HS6ST3: variants seen among roughly 807,000 people sequenced by gnomAD.
HS6ST3 encodes heparan sulfate 6-O-sulfotransferase 3, also known as heparan-sulfate 6-O-sulfotransferase 3.
In HS6ST3, 12 loss-of-function variants were observed where a neutral mutation model predicts 36.7. The observed-to-expected ratio is 0.33, with a 90% CI of 0.21 to 0.53. HS6ST3 has a LOEUF of 0.53. HS6ST3 is among the 20% of genes least tolerant of loss of function. The pLI is 0.95. For missense variants in HS6ST3, 584 were observed against 640.9 expected, an observed-to-expected ratio of 0.91 and a Z score of 0.96; for synonymous variants, 240 against 257.5, an observed-to-expected ratio of 0.93 and a Z score of 0.65.
At chr13:96,311,099 C>T (rs1252697749) in intron 1 of HS6ST3, among the ~76,000 whole-genome samples, 1 of 152,146 alleles carries the variant, frequency 6.6e-6, no homozygotes, top group African/African-American at 2.4e-5. Context: ...AATTTGATAA[C>T]TGGGTTTCTT....
intron 1 of HS6ST3, among the ~76,000 whole-genome samples, chr13:96,722,500 T>C (rs1875875113): frequency 6.6e-6 from 1 of 152,328 alleles, no homozygotes; most frequent in Non-Finnish European, 1.5e-5. Context: ...GGGTCGTGAC[T>C]CTTATATTTT....
In HS6ST3 at chr13:96,216,710, AG is replaced by A. The variant is rs560865425; in HGVS notation, c.707+125143del. 7.9e-5 allele frequency among the ~76,000 whole-genome samples: 12 copies of A among 152,226 alleles called. 1 individual carries two copies. In the South Asian group the frequency reaches 2.5e-3, roughly 32 times the overall value. On this transcript the variant is annotated intron_variant, in intron 1 of 1. Coordinates refer to ENST00000376705, the MANE Select transcript of HS6ST3 (RefSeq NM_153456.4). ...AAACAGGTGCCCAGAGGAAGCTTGG[AG>A]GCTGCTACCTCTCAGGTCCCTCTCT...
chr13:96,711,615 C>T (rs1196543574), intron 1 of HS6ST3, among the ~76,000 whole-genome samples: 2 of 152,148 alleles, frequency 1.3e-5, no homozygotes, highest in African/African-American at 4.8e-5. Context: ...TCTTTGCATT[C>T]ATGTATTTTT....
intron 1 of HS6ST3, among the ~76,000 whole-genome samples, chr13:96,745,405 A>G (rs1432517898): frequency 2.0e-5 from 3 of 152,206 alleles, no homozygotes; most frequent in East Asian, 3.9e-4. Flanking sequence ...GTGCCCAGCC[A>G]TATGGTTGTA....
At chr13:96,222,904 A>G (rs778466547) in intron 1 of HS6ST3, among the ~76,000 whole-genome samples, 2 of 152,128 alleles carry the variant, frequency 1.3e-5, no homozygotes, top group African/African-American at 2.4e-5. Context: ...GCCTGTGTAT[A>G]TATATGTTTC....
intron 1 of HS6ST3, among the ~76,000 whole-genome samples, chr13:96,539,588 C>T (rs1026132973): frequency 6.6e-6 from 1 of 152,164 alleles, no homozygotes; most frequent in Non-Finnish European, 1.5e-5. Flanking sequence ...AACTCCTGAC[C>T]TCATGATCCA....
intron 1 of HS6ST3, among the ~76,000 whole-genome samples, chr13:96,734,483 G>A (rs1409333470): frequency 1.3e-5 from 2 of 152,184 alleles, no homozygotes; most frequent in Non-Finnish European, 2.9e-5. Context: ...GTAACTATTT[G>A]TTAGAGAGGA....
intron 1 of HS6ST3, among the ~76,000 whole-genome samples, chr13:96,189,957 C>A (rs1376283897): frequency 1.3e-5 from 2 of 152,098 alleles, no homozygotes; most frequent in Non-Finnish European, 2.9e-5. Context: ...CAGCCCACCC[C>A]ACATTGACTC....
chr13:96,135,966 C>A (rs978361274), intron 1 of HS6ST3, among the ~76,000 whole-genome samples: 3 of 152,188 alleles, frequency 2.0e-5, no homozygotes, highest in African/African-American at 7.2e-5. Flanking sequence ...GTGCAGCCTG[C>A]ATTCCACCGG....
intron 1 of HS6ST3, among the ~76,000 whole-genome samples, chr13:96,451,795 G>A (rs1426444929): frequency 1.3e-5 from 2 of 152,100 alleles, no homozygotes; most frequent in East Asian, 3.9e-4. Context: ...ATGAGAGGTT[G>A]GGATTAAATG....
At chr13:96,498,490 TCTC>T (rs2055988297) in intron 1 of HS6ST3, among the ~76,000 whole-genome samples, 1 of 152,170 alleles carries the variant, frequency 6.6e-6, no homozygotes, top group African/African-American at 2.4e-5. Flanking sequence ...AGTTTAAATG[TCTC>T]CTCCTGATTG....
At position 96,193,386 on chromosome 13, in the gene HS6ST3, A is replaced by G. The variant is rs564167535; in HGVS notation, c.707+101817A>G. Reference sequence around the variant, plus strand: ...TCCGTATTACTTGGGGATGTCATTAAGGTAGTGTAGATAACTAAAATGGGG... The same window carrying G: ...TCCGTATTACTTGGGGATGTCATTAGGGTAGTGTAGATAACTAAAATGGGG... On this transcript the variant is annotated intron_variant, in intron 1 of 1. Coordinates refer to ENST00000376705, the MANE Select transcript of HS6ST3 (RefSeq NM_153456.4). 7.9e-5 allele frequency among the ~76,000 whole-genome samples: 12 copies of G among 152,228 alleles called. No individual in the cohort carries two copies. The South Asian group carries it at 1.5e-3, about 18-fold the overall frequency.
chr13:96,661,737 C>T (rs547599272), intron 1 of HS6ST3, among the ~76,000 whole-genome samples: 3 of 152,218 alleles, frequency 2.0e-5, no homozygotes, highest in Middle Eastern at 3.4e-3. Context: ...GAGTTTTGCC[C>T]ATTCTTTCCC....
chr13:96,190,330 G>T (rs1466274871), intron 1 of HS6ST3, among the ~76,000 whole-genome samples: 1 of 152,170 alleles, frequency 6.6e-6, no homozygotes, highest in Non-Finnish European at 1.5e-5. Context: ...GTATGGTGGT[G>T]ACTGAACCCA....
chr13:96,799,812 TG>T (rs1877999804), intron 1 of HS6ST3, among the ~76,000 whole-genome samples: 1 of 150,870 alleles, frequency 6.6e-6, no homozygotes, highest in Admixed American at 6.6e-5. Context: ...AACATATTTA[TG>T]GGCTGAATTG....
At chr13:96,135,789 T>C (rs78283989) in intron 1 of HS6ST3, among the ~76,000 whole-genome samples, 2,275 of 152,284 alleles carry the variant, frequency 0.015, 29 homozygotes, top group Non-Finnish European at 0.024. Context: ...CATAGAGTTT[T>C]ATTGAGGACT....
rs139286775 is a variant in HS6ST3 at position 96,543,629 on chromosome 13, C to T, written c.708-288861C>T. On this transcript the variant is annotated intron_variant, in intron 1 of 1. Transcript: ENST00000376705. The stretch of plus-strand genomic sequence containing the variant: ...TATTAATATTTTTCCCCATTAGATC[C>T]GAAGCCAAGCCAATTTCTTCACCTG... 3.0e-4 allele frequency among the ~76,000 whole-genome samples: 45 copies of T among 152,172 alleles called. 1 individual carries two copies. The East Asian group carries it at 6.6e-3, about 22-fold the overall frequency.
At chr13:96,346,780 G>A (rs537091749) in intron 1 of HS6ST3, among the ~76,000 whole-genome samples, 1 of 152,104 alleles carries the variant, frequency 6.6e-6, no homozygotes, top group Non-Finnish European at 1.5e-5. Flanking sequence ...AGCCCCTGGG[G>A]TTAATGATCT....
chr13:96,625,716 T>C (rs1036955326), intron 1 of HS6ST3, among the ~76,000 whole-genome samples: 1 of 152,160 alleles, frequency 6.6e-6, no homozygotes, highest in South Asian at 2.1e-4. Context: ...TTTGTTCTTA[T>C]TAAATATTTA....
Sources: allele counts gnomAD v4.1 joint callset (sites outside exome capture counted in the v4.1 genomes callset), GRCh38; gene constraint gnomAD v4.1.1; transcripts MANE v1.5; gene names NCBI Gene and HGNC (gene_info 2026-07-23, HGNC 2026-07-21).